The following MMP16 variants were observed in gnomAD, a reference collection of about 807,000 sequenced individuals.
MMP16 encodes the protein matrix metallopeptidase 16.
MMP16 carries 12 observed loss-of-function variants against 67.8 expected under a neutral mutation model. The observed-to-expected ratio is 0.18, with a 90% CI of 0.11 to 0.29. MMP16 has a LOEUF of 0.29. Ranked by LOEUF, MMP16 falls within the 10% of genes least tolerant of loss-of-function variation. The probability of loss-of-function intolerance (pLI) is 1.00; values close to 1 mark genes in which losing one functional copy is unlikely to be tolerated. For missense variants in MMP16, 475 were observed against 765.7 expected (o/e 0.62, Z 4.48); for synonymous variants, 249 against 255.9 (o/e 0.97, Z 0.26).
intron 1 of MMP16, among the ~76,000 whole-genome samples, chr8:88,260,452 T>C (rs1230168344): frequency 6.6e-6 from 1 of 152,232 alleles, no homozygotes; most frequent in East Asian, 1.9e-4. Flanking sequence ...AGTCAATTAT[T>C]GAAACTCTCT....
At chr8:88,136,988 T>C (rs1037912295) in intron 4 of MMP16, among the ~76,000 whole-genome samples, 1 of 151,878 alleles carries the variant, frequency 6.6e-6, no homozygotes, top group Non-Finnish European at 1.5e-5. Flanking sequence ...ATATTTTTTT[T>C]CTCCTTTTCC....
At chr8:88,064,216 T>C (rs1808435373) in intron 7 of MMP16, among the ~76,000 whole-genome samples, 2 of 152,118 alleles carry the variant, frequency 1.3e-5, no homozygotes, top group Admixed American at 1.3e-4. Context: ...TGTAGTTTTT[T>C]ACAGGAAAGA....
At position 88,303,720 on chromosome 8, in the gene MMP16, G is replaced by A. The variant is rs539243666; in HGVS notation, c.132+23355C>T. ...CAGACCCCCAGCAAACTGCAGCAGCGCTACAGAAAAGTAGCCTAACCATTA... is the reference window on the plus strand; with the variant it reads ...CAGACCCCCAGCAAACTGCAGCAGCACTACAGAAAAGTAGCCTAACCATTA... On this transcript the variant is annotated intron_variant, in intron 1 of 9. Transcript: ENST00000286614. Among the ~76,000 whole-genome samples the A allele has an allele frequency of 4.6e-5, 7 of 152,224 alleles. No homozygotes were observed. In the East Asian group the frequency reaches 7.8e-4, roughly 17 times the overall value.
At chr8:88,148,482 T>C (rs1268587711) in intron 4 of MMP16, among the ~76,000 whole-genome samples, 5 of 152,220 alleles carry the variant, frequency 3.3e-5, no homozygotes, top group Admixed American at 6.5e-5. Flanking sequence ...TATTTGCTTA[T>C]GCAGGGAGCT....
chr8:88,226,805 AGTCCCTG>A (rs372807656), intron 1 of MMP16, among the ~76,000 whole-genome samples: 217 of 152,120 alleles, frequency 1.4e-3, no homozygotes, highest in African/African-American at 5.1e-3. Context: ...CCTTCAACTC[AGTCCCTG>A]GTAAAACATT....
chr8:88,083,973 T>A (rs1808793964), intron 6 of MMP16, among the ~76,000 whole-genome samples: 1 of 152,022 alleles, frequency 6.6e-6, no homozygotes, highest in Non-Finnish European at 1.5e-5. Context: ...CACAAACAGA[T>A]TCATTTTCCC....
At chr8:88,266,440 T>C (rs576853795) in intron 1 of MMP16, among the ~76,000 whole-genome samples, 11 of 152,332 alleles carry the variant, frequency 7.2e-5, no homozygotes, top group African/African-American at 2.4e-4. Context: ...TTGGAGATTA[T>C]ATAAATTCAT....
chr8:88,142,071 A>AT (rs35903249), intron 4 of MMP16, among the ~76,000 whole-genome samples: 59 of 146,580 alleles, frequency 4.0e-4, no homozygotes, highest in African/African-American at 7.7e-4. Flanking sequence ...CGCACAGCTA[A>AT]TTTTTTTTTT....
intron 1 of MMP16, among the ~76,000 whole-genome samples, chr8:88,221,864 G>T (rs1483206654): frequency 6.6e-6 from 1 of 152,028 alleles, no homozygotes; most frequent in Non-Finnish European, 1.5e-5. Context: ...ATATGAAGTT[G>T]AAAGCCTATA....
At chr8:88,251,984 T>G (rs1810232308) in intron 1 of MMP16, among the ~76,000 whole-genome samples, 1 of 112,976 alleles carries the variant, frequency 8.9e-6, no homozygotes, top group Admixed American at 9.8e-5. Context: ...CATTAAAAAG[T>G]CAGGAAACAA....
At chr8:88,095,392 T>G (rs922662873) in intron 6 of MMP16, among the ~76,000 whole-genome samples, 1 of 151,758 alleles carries the variant, frequency 6.6e-6, no homozygotes, top group South Asian at 2.1e-4. Context: ...TTTGGTCTTC[T>G]ATGCATTAGG....
intron 4 of MMP16, among the ~76,000 whole-genome samples, chr8:88,149,650 GCTGT>G (rs1808366267): frequency 6.6e-6 from 1 of 151,238 alleles, no homozygotes; most frequent in Admixed American, 6.6e-5. Context: ...AGCTGAGGGT[GCTGT>G]CTGTTAGAAG....
chr8:88,109,073 CAG>C (rs1809290241), intron 6 of MMP16, among the ~76,000 whole-genome samples: 1 of 151,198 alleles, frequency 6.6e-6, no homozygotes, highest in Non-Finnish European at 1.5e-5. Flanking sequence ...GCAGAGAAGA[CAG>C]AGTTAGAAGT....
Position 88,092,388 on chromosome 8 carries a change from C to T in MMP16, c.1084-17645G>A, listed in dbSNP as rs567440482. On this transcript the variant is annotated intron_variant, in intron 6 of 9. Coordinates refer to ENST00000286614, the MANE Select transcript of MMP16 (RefSeq NM_005941.5). ...TGTCACCACTTCAGAAAAGATCCTT[C>T]GGAAACTACAGTATCTTCCTTTCCA... 1.9e-4 allele frequency among the ~76,000 whole-genome samples: 29 copies of T among 151,972 alleles called. 1 individual carries two copies. In the South Asian group the frequency reaches 4.4e-3, roughly 23 times the overall value.
intron 1 of MMP16, among the ~76,000 whole-genome samples, chr8:88,296,841 C>A: frequency 7.1e-6 from 1 of 140,110 alleles, no homozygotes; most frequent in Non-Finnish European, 1.5e-5. Flanking sequence ...TCAGACACTG[C>A]CTAAAAAAAA....
At chr8:88,256,707 A>C (rs1031339758) in intron 1 of MMP16, among the ~76,000 whole-genome samples, 10 of 148,440 alleles carry the variant, frequency 6.7e-5, no homozygotes, top group Non-Finnish European at 1.2e-4. Context: ...CACACACCCC[A>C]CACACACCAT....
At chr8:88,054,741 C>T (rs1808310769) in intron 8 of MMP16, among the ~76,000 whole-genome samples, 1 of 152,128 alleles carries the variant, frequency 6.6e-6, no homozygotes, top group South Asian at 2.1e-4. Context: ...CCAATTATAG[C>T]AACTTTTTGT....
chr8:88,046,781 A>G lies in MMP16; in HGVS notation c.1377T>C (p.Tyr459=), dbSNP rs1490372924. 2 of 1,584,220 alleles carry G rather than the reference A, an allele frequency of 1.3e-6. No individual in the cohort carries two copies. Among genetic ancestry groups the G allele is most frequent in the Admixed American group, 1.8e-5 (1 of 55,524 alleles). Residue 459 remains tyrosine (Y), a synonymous_variant, in exon 9 of 10, where the codon TAT becomes TAC. Transcript: ENST00000286614. ...TTTTCATTTCTTCACTATATCTCCA[A>G]TATCTACAAAGGATAAAAACAACAA... ...GKTYFFKGDR[Y]WRYSEEMKTM...
chr8:88,077,664 G>T (rs117645593), intron 6 of MMP16, among the ~76,000 whole-genome samples: 94 of 152,200 alleles, frequency 6.2e-4, no homozygotes, highest in Non-Finnish European at 1.0e-3. Context: ...TTTCTTTAAA[G>T]AAAACAAAAT....
Sources: allele counts gnomAD v4.1 joint callset (sites outside exome capture counted in the v4.1 genomes callset), GRCh38; gene constraint gnomAD v4.1.1; transcripts MANE v1.5; gene names NCBI Gene and HGNC (gene_info 2026-07-23, HGNC 2026-07-21).